Variants in PTPRD observed in about 807,000 individuals in gnomAD.
The protein encoded by PTPRD is protein tyrosine phosphatase receptor type D.
A neutral mutation model predicts 214.5 loss-of-function variants in PTPRD; 34 were observed. The observed-to-expected ratio is 0.16, with a 90% CI of 0.12 to 0.21. The LOEUF (loss-of-function observed/expected upper bound fraction) is 0.21. Among genes scored for constraint, PTPRD ranks in the 10% least tolerant of loss-of-function variants. PTPRD has a pLI of 1.00. For missense variants in PTPRD, 2,545 were observed against 2,398.7 expected, an observed-to-expected ratio of 1.06 and a Z score of -1.27; for synonymous variants, 1,128 against 845.7, an observed-to-expected ratio of 1.33 and a Z score of -5.79.
intron 8 of PTPRD, among the ~76,000 whole-genome samples, chr9:9,420,060 G>A (rs142321918): frequency 6.6e-6 from 1 of 151,214 alleles, no homozygotes; most frequent in Admixed American, 6.6e-5. Flanking sequence ...CTGTAACCAA[G>A]TTAAACTGAT....
At chr9:10,090,759 T>C (rs1350000442) in intron 3 of PTPRD, among the ~76,000 whole-genome samples, 1 of 146,860 alleles carries the variant, frequency 6.8e-6, no homozygotes, top group African/African-American at 2.5e-5. Context: ...AACTCAGAAA[T>C]AGAATAGCAT....
intron 8 of PTPRD, among the ~76,000 whole-genome samples, chr9:9,468,602 T>C (rs2094382387): frequency 1.3e-5 from 2 of 152,216 alleles, no homozygotes; most frequent in Admixed American, 1.3e-4. Context: ...AACATGCATT[T>C]CAGTCTATAT....
rs948369385 is a variant in PTPRD at position 8,576,649 on chromosome 9, A to C, written c.353-47870T>G. Among the ~76,000 whole-genome samples the C allele has an allele frequency of 1.4e-4, 21 of 151,968 alleles. 1 individual carries two copies. Among genetic ancestry groups the C allele is most frequent in the Admixed American group, 5.9e-4 (9 of 15,252 alleles). ...AATGCAGCAAAAAAAAAAAAAAAAA[A>C]ATCCATATTTGCATATCCGTGTCTC... On this transcript the variant is annotated intron_variant, in intron 14 of 45. Coordinates refer to ENST00000381196, the MANE Select transcript of PTPRD (RefSeq NM_002839.4).
intron 3 of PTPRD, among the ~76,000 whole-genome samples, chr9:10,053,806 T>C (rs898438403): frequency 6.6e-6 from 1 of 152,162 alleles, no homozygotes; most frequent in African/African-American, 2.4e-5. Flanking sequence ...TAGCCCAGGC[T>C]GGAGTTAAGT....
At chr9:8,358,249 C>T (rs2077463641) in intron 39 of PTPRD, among the ~76,000 whole-genome samples, 1 of 152,070 alleles carries the variant, frequency 6.6e-6, no homozygotes, top group African/African-American at 2.4e-5. Context: ...GAATTAAAGA[C>T]TTACTACACT....
chr9:8,470,210 A>G (rs989196160), intron 31 of PTPRD, among the ~76,000 whole-genome samples: 1 of 152,110 alleles, frequency 6.6e-6, no homozygotes, highest in African/African-American at 2.4e-5. Flanking sequence ...AATTCTACTC[A>G]TTAACTTGCT....
chr9:8,494,221 G>A (rs7858815), intron 26 of PTPRD, among the ~76,000 whole-genome samples: 31,094 of 151,944 alleles, frequency 0.2, 3,187 homozygotes, highest in East Asian at 0.24. Flanking sequence ...AACAGATACC[G>A]TAGAGCTCAA....
chr9:9,235,813 A>G (rs1313340361), intron 9 of PTPRD, among the ~76,000 whole-genome samples: 1 of 152,166 alleles, frequency 6.6e-6, no homozygotes, highest in African/African-American at 2.4e-5. Context: ...TGAAAAAATC[A>G]TTTGTATAAA....
At chr9:9,998,030 A>T (rs916176865) in intron 4 of PTPRD, among the ~76,000 whole-genome samples, 2 of 150,664 alleles carry the variant, frequency 1.3e-5, no homozygotes, top group African/African-American at 4.9e-5. Context: ...AATATTACCA[A>T]CCACTTTTCT....
intron 3 of PTPRD, among the ~76,000 whole-genome samples, chr9:10,132,944 C>T (rs996356250): frequency 9.1e-6 from 1 of 109,368 alleles, no homozygotes; most frequent in African/African-American, 3.5e-5. Flanking sequence ...GATGATATGT[C>T]ACTTCCAAGA....
rs965070466 is a variant in PTPRD at position 9,571,551 on chromosome 9, T to A, written c.-237+3181A>T. Among the ~76,000 whole-genome samples the A allele has an allele frequency of 9.3e-5, 14 of 151,268 alleles. 1 individual carries two copies. The highest frequency in any genetic ancestry group is 3.1e-4 in the African/African-American group (13 of 41,372). Reference sequence around the variant, plus strand: ...GATATTTTAATGATGCTGTAGAACATTCATATTGCATACTTTTGGTTCCCT... The same window carrying A: ...GATATTTTAATGATGCTGTAGAACAATCATATTGCATACTTTTGGTTCCCT... On this transcript the variant is annotated intron_variant, in intron 8 of 45. Transcript: ENST00000381196.
At chr9:9,306,919 G>C (rs188768954) in intron 9 of PTPRD, among the ~76,000 whole-genome samples, 9 of 152,286 alleles carry the variant, frequency 5.9e-5, no homozygotes. Context: ...AGAGATTAAT[G>C]CTTAAGAAAC....
At chr9:9,974,887 G>C (rs1175744802) in intron 4 of PTPRD, among the ~76,000 whole-genome samples, 1 of 152,118 alleles carries the variant, frequency 6.6e-6, no homozygotes, top group Non-Finnish European at 1.5e-5. Context: ...CATTCAGTGG[G>C]AAAAGGGGAG....
chr9:9,592,419 T>C (rs566662059), intron 7 of PTPRD, among the ~76,000 whole-genome samples: 5 of 152,022 alleles, frequency 3.3e-5, no homozygotes, highest in Non-Finnish European at 7.4e-5. Context: ...TCATATACAA[T>C]ATGAAAAATA....
At chr9:9,261,301 G>A (rs1443860006) in intron 9 of PTPRD, among the ~76,000 whole-genome samples, 1 of 151,668 alleles carries the variant, frequency 6.6e-6, no homozygotes, top group East Asian at 2.0e-4. Flanking sequence ...TTTATTTTAT[G>A]GGACCACACG....
chr9:10,424,819 C>T (rs1397045608), intron 2 of PTPRD, among the ~76,000 whole-genome samples: 1 of 151,926 alleles, frequency 6.6e-6, no homozygotes, highest in African/African-American at 2.4e-5. Context: ...GTAAGAGATA[C>T]TACTATTTTT....
chr9:9,066,745 C>T (rs139029601), intron 10 of PTPRD, among the ~76,000 whole-genome samples: 6 of 152,216 alleles, frequency 3.9e-5, no homozygotes, highest in African/African-American at 7.2e-5. Flanking sequence ...GCCATAAGCC[C>T]GACCATGGGG....
chr9:9,223,773 G>C (rs529498603), intron 9 of PTPRD, among the ~76,000 whole-genome samples: 2 of 152,074 alleles, frequency 1.3e-5, no homozygotes, highest in South Asian at 2.1e-4. Flanking sequence ...TTATAATTGA[G>C]TATTAACTGA....
At chr9:10,027,411 C>T (rs1589216970) in intron 4 of PTPRD, among the ~76,000 whole-genome samples, 1 of 152,110 alleles carries the variant, frequency 6.6e-6, no homozygotes. Context: ...CAAACATGGC[C>T]CACTATCATG....
Sources: allele counts gnomAD v4.1 joint callset (sites outside exome capture counted in the v4.1 genomes callset), GRCh38; gene constraint gnomAD v4.1.1; transcripts MANE v1.5; gene names NCBI Gene and HGNC (gene_info 2026-07-23, HGNC 2026-07-21).